Variants in IMMP2L observed in about 807,000 individuals in gnomAD.
IMMP2L encodes mitochondrial inner membrane protease subunit 2.
In IMMP2L, 18 loss-of-function variants were observed where a neutral mutation model predicts 19.3. The ratio of observed to expected loss-of-function variants is 0.93; its 90% CI spans 0.64 to 1.38. IMMP2L has a LOEUF of 1.38. Ranked by LOEUF, IMMP2L falls within the 40% of genes most tolerant of loss-of-function variation. The pLI is 0.00. For missense variants in IMMP2L, 233 were observed against 218.2 expected, an observed-to-expected ratio of 1.07 and a Z score of -0.43; for synonymous variants, 76 against 73.0, an observed-to-expected ratio of 1.04 and a Z score of -0.21.
chr7:111,409,852 T>C (rs751141487), intron 3 of IMMP2L, among the ~76,000 whole-genome samples: 2 of 151,722 alleles, frequency 1.3e-5, no homozygotes, highest in African/African-American at 4.9e-5. Flanking sequence ...AGGCATGTGA[T>C]TATTAACAAA....
chr7:111,125,014 A>G, intron 3 of IMMP2L: 2 of 777,242 alleles, frequency 2.6e-6, no homozygotes. Context: ...AAAAAAGATT[A>G]CTTTCGAGAG....
chr7:110,852,276 T>G (rs1201106046), intron 5 of IMMP2L, among the ~76,000 whole-genome samples: 2 of 151,870 alleles, frequency 1.3e-5, no homozygotes, highest in African/African-American at 4.8e-5. Context: ...ACATCCATAT[T>G]AAAATTATGA....
At chr7:111,114,805 G>C (rs1799677841) in intron 3 of IMMP2L, among the ~76,000 whole-genome samples, 1 of 151,284 alleles carries the variant, frequency 6.6e-6, no homozygotes, top group African/African-American at 2.4e-5. Flanking sequence ...GAATATTTAA[G>C]GGTTACTACA....
intron 4 of IMMP2L, among the ~76,000 whole-genome samples, chr7:110,900,680 A>G (rs1811771030): frequency 6.6e-6 from 1 of 152,204 alleles, no homozygotes; most frequent in African/African-American, 2.4e-5. Flanking sequence ...TTTTGAGCCA[A>G]ACAATAGTTA....
intron 3 of IMMP2L, among the ~76,000 whole-genome samples, chr7:111,154,022 C>G (rs569078489): frequency 4.6e-5 from 7 of 152,058 alleles, no homozygotes. Flanking sequence ...AAGTTTTTTA[C>G]TAACAAGGCT....
At chr7:111,200,356 A>G (rs1470544658) in intron 3 of IMMP2L, among the ~76,000 whole-genome samples, 4 of 152,130 alleles carry the variant, frequency 2.6e-5, no homozygotes, top group Non-Finnish European at 5.9e-5. Context: ...TGGATCTTTA[A>G]TCAATCTCTT....
intron 3 of IMMP2L, among the ~76,000 whole-genome samples, chr7:111,284,222 T>G (rs1820240048): frequency 6.6e-6 from 1 of 152,176 alleles, no homozygotes; most frequent in Non-Finnish European, 1.5e-5. Flanking sequence ...CTAGATATAT[T>G]TTGCTCATAA....
chr7:111,352,658 T>C (rs376025551), intron 3 of IMMP2L, among the ~76,000 whole-genome samples: 2 of 152,138 alleles, frequency 1.3e-5, no homozygotes, highest in Admixed American at 6.6e-5. Flanking sequence ...TAAGAATTCA[T>C]GACTTCTCAT....
At chr7:111,500,000 G>A (rs538741835) in intron 2 of IMMP2L, among the ~76,000 whole-genome samples, 1 of 152,146 alleles carries the variant, frequency 6.6e-6, no homozygotes, top group Non-Finnish European at 1.5e-5. Flanking sequence ...CCAAAGCAGG[G>A]TGAGGCATTG....
chr7:111,055,490 C>A (rs1475688929), intron 3 of IMMP2L, among the ~76,000 whole-genome samples: 1 of 152,196 alleles, frequency 6.6e-6, no homozygotes, highest in Non-Finnish European at 1.5e-5. Flanking sequence ...GACAGGGATT[C>A]TCTTCCTAAC....
intron 5 of IMMP2L, among the ~76,000 whole-genome samples, chr7:110,717,913 C>G (rs188514302): frequency 6.6e-6 from 1 of 152,226 alleles, no homozygotes; most frequent in African/African-American, 2.4e-5. Flanking sequence ...ATTGAGAACA[C>G]TTTTTGTAAG....
intron 3 of IMMP2L, among the ~76,000 whole-genome samples, chr7:111,386,657 T>A (rs1831787436): frequency 6.6e-6 from 1 of 152,118 alleles, no homozygotes; most frequent in South Asian, 2.1e-4. Context: ...TGATAAACTG[T>A]AAATACATTT....
At chr7:111,470,333 T>C (rs1841122119) in intron 3 of IMMP2L, among the ~76,000 whole-genome samples, 1 of 151,884 alleles carries the variant, frequency 6.6e-6, no homozygotes. Context: ...CTCAGGGATC[T>C]AGAACTAGAA....
chr7:111,114,180 A>G (rs937108615), intron 3 of IMMP2L, among the ~76,000 whole-genome samples: 9 of 151,978 alleles, frequency 5.9e-5, no homozygotes, highest in African/African-American at 1.9e-4. Context: ...CAGGAAAACA[A>G]TGATTTCTCT....
intron 2 of IMMP2L, among the ~76,000 whole-genome samples, chr7:111,520,712 A>G (rs1306627548): frequency 6.6e-6 from 1 of 152,148 alleles, no homozygotes; most frequent in African/African-American, 2.4e-5. Flanking sequence ...TTACTAAAAA[A>G]GCTAGGTTCT....
At chr7:111,172,283 T>G (rs1030045264) in intron 3 of IMMP2L, among the ~76,000 whole-genome samples, 12 of 151,534 alleles carry the variant, frequency 7.9e-5, no homozygotes, top group Admixed American at 3.3e-4. Flanking sequence ...GGAGCTTTAT[T>G]TATTACTGAT....
At chr7:110,984,850 T>C (rs1821690445) in intron 3 of IMMP2L, among the ~76,000 whole-genome samples, 2 of 152,108 alleles carry the variant, frequency 1.3e-5, no homozygotes, top group South Asian at 4.1e-4. Context: ...CCCCAGAACC[T>C]GTAAATACGT....
chr7:111,191,474 A>ACACACAC (rs1562906824), intron 3 of IMMP2L, among the ~76,000 whole-genome samples: 3 of 137,710 alleles, frequency 2.2e-5, no homozygotes, highest in South Asian at 2.3e-4. Context: ...ACACACACAC[A>ACACACAC]AAACTTATAT....
chr7:111,218,685 A>C (rs1812218281), intron 3 of IMMP2L, among the ~76,000 whole-genome samples: 1 of 152,202 alleles, frequency 6.6e-6, no homozygotes, highest in East Asian at 1.9e-4. Flanking sequence ...TAATTCAGTC[A>C]GGTACTAAAA....
Sources: allele counts gnomAD v4.1 joint callset (sites outside exome capture counted in the v4.1 genomes callset), GRCh38; gene constraint gnomAD v4.1.1; transcripts MANE v1.5; gene names NCBI Gene and HGNC (gene_info 2026-07-23, HGNC 2026-07-21).